Variants in GMDS observed in about 807,000 individuals in gnomAD.
The protein encoded by GMDS is GDP-mannose 4,6 dehydratase.
A neutral mutation model predicts 49.9 loss-of-function variants in GMDS; 20 were observed. That is an observed-to-expected ratio of 0.40 (90% confidence interval 0.28 to 0.58). The LOEUF (loss-of-function observed/expected upper bound fraction) is 0.58, where lower values mean the gene tolerates loss of function less well. Among genes scored for constraint, GMDS ranks in the 20% least tolerant of loss-of-function variants. GMDS has a pLI of 0.42. For missense variants in GMDS, 362 were observed against 481.4 expected (o/e 0.75, Z 2.32); for synonymous variants, 177 against 178.6 (o/e 0.99, Z 0.07).
At chr6:1,884,524 G>A (rs998849914) in intron 7 of GMDS, among the ~76,000 whole-genome samples, 3 of 152,152 alleles carry the variant, frequency 2.0e-5, no homozygotes, top group African/African-American at 4.8e-5. Context: ...TGAAAACTTC[G>A]CAGATATTAG....
chr6:2,078,922 T>C (rs1377165777), intron 4 of GMDS, among the ~76,000 whole-genome samples: 3 of 151,878 alleles, frequency 2.0e-5, no homozygotes, highest in African/African-American at 7.2e-5. Context: ...ATATTTATCC[T>C]ATGAATCTTG....
intron 2 of GMDS, among the ~76,000 whole-genome samples, chr6:2,122,660 C>T (rs1012323493): frequency 3.9e-5 from 6 of 152,180 alleles, no homozygotes; most frequent in African/African-American, 9.7e-5. Flanking sequence ...TCGAATTATA[C>T]GAATCTCTTA....
At chr6:1,988,558 G>A (rs973098722) in intron 4 of GMDS, among the ~76,000 whole-genome samples, 11 of 152,034 alleles carry the variant, frequency 7.2e-5, no homozygotes, top group Non-Finnish European at 1.2e-4. Context: ...CGTTCTTCCC[G>A]GTAGAATAAC....
At chr6:1,806,942 T>C (rs1312325946) in intron 7 of GMDS, among the ~76,000 whole-genome samples, 3 of 152,242 alleles carry the variant, frequency 2.0e-5, no homozygotes, top group Non-Finnish European at 4.4e-5. Flanking sequence ...GTCTTCGTGC[T>C]ATAAATATAA....
chr6:1,636,923 G>A (rs759557279), intron 9 of GMDS, among the ~76,000 whole-genome samples: 3 of 152,336 alleles, frequency 2.0e-5, no homozygotes, highest in East Asian at 1.9e-4. Flanking sequence ...GCACACGGGG[G>A]ATCGCTGGGA....
intron 1 of GMDS, among the ~76,000 whole-genome samples, chr6:2,145,495 G>A (rs1012555729): frequency 6.6e-6 from 1 of 151,904 alleles, no homozygotes; most frequent in African/African-American, 2.4e-5. Flanking sequence ...CTGGCACGGT[G>A]CCACTATACT....
At chr6:1,978,595 C>A (rs1245306966) in intron 4 of GMDS, among the ~76,000 whole-genome samples, 1 of 152,024 alleles carries the variant, frequency 6.6e-6, no homozygotes, top group Non-Finnish European at 1.5e-5. Flanking sequence ...TTCTTTGGGG[C>A]CTAAAGAGCT....
In GMDS at chr6:1,706,607, C is replaced by G. The variant is rs921958700; in HGVS notation, c.987+19809G>C. Among the ~76,000 whole-genome samples the G allele has an allele frequency of 9.9e-5, 15 of 152,210 alleles. 1 individual carries two copies. Among genetic ancestry groups the G allele is most frequent in the African/African-American group, 2.7e-4 (11 of 41,456 alleles). On this transcript the variant is annotated intron_variant, in intron 9 of 10. Transcript: ENST00000380815. ...GGAGGAGAACCCCTCGCAGGCCCAT[C>G]ATGAACACAACACTGCTGTTAACAG... is the stretch of plus-strand genomic sequence containing the variant.
intron 4 of GMDS, among the ~76,000 whole-genome samples, chr6:2,074,694 G>T (rs1356217715): frequency 1.3e-5 from 2 of 152,084 alleles, no homozygotes; most frequent in Admixed American, 1.3e-4. Flanking sequence ...AACAAAGGTA[G>T]GGTCTCACTA....
At chr6:2,022,310 T>C (rs762274549) in intron 4 of GMDS, among the ~76,000 whole-genome samples, 18 of 152,038 alleles carry the variant, frequency 1.2e-4, no homozygotes, top group Non-Finnish European at 2.1e-4. Flanking sequence ...TGGGTGGATA[T>C]AGGATCCACA....
intron 4 of GMDS, among the ~76,000 whole-genome samples, chr6:2,049,255 T>A (rs532238499): frequency 3.0e-4 from 46 of 152,336 alleles, no homozygotes; most frequent in Admixed American, 5.9e-4. Flanking sequence ...TCATTAGGAA[T>A]TTCCTTTGTT....
intron 4 of GMDS, among the ~76,000 whole-genome samples, chr6:2,004,215 T>C (rs1489546153): frequency 6.6e-6 from 1 of 152,236 alleles, no homozygotes; most frequent in Non-Finnish European, 1.5e-5. Context: ...TTGAAAGTAC[T>C]TATTGGTCAT....
rs368700246 is a variant in GMDS, at chr6:1,688,865, C to T, written c.987+37551G>A. 1.2e-4 allele frequency among the ~76,000 whole-genome samples: 18 copies of T among 152,272 alleles called. No homozygotes were observed. The South Asian group carries it at 3.7e-3, about 32-fold the overall frequency. ...TTATTTTTTTAAAGTCAGCTCTCTA[C>T]ATATTCCTGCAAGTTTTGGAAGGGA... On this transcript the variant is annotated intron_variant, in intron 9 of 10. Transcript: ENST00000380815.
chr6:1,663,319 G>C (rs1764139848), intron 9 of GMDS, among the ~76,000 whole-genome samples: 1 of 152,162 alleles, frequency 6.6e-6, no homozygotes, highest in Non-Finnish European at 1.5e-5. Flanking sequence ...TTTTCATTTA[G>C]GAGCCCAGCT....
At chr6:2,106,615 C>A (rs574558324) in intron 4 of GMDS, among the ~76,000 whole-genome samples, 1 of 152,210 alleles carries the variant, frequency 6.6e-6, no homozygotes, top group South Asian at 2.1e-4. Flanking sequence ...GTAATCCTAG[C>A]ACTTTGGGAG....
chr6:1,787,612 A>G (rs992787435), intron 7 of GMDS, among the ~76,000 whole-genome samples: 6 of 152,358 alleles, frequency 3.9e-5, no homozygotes, highest in African/African-American at 1.4e-4. Flanking sequence ...CTTCATCTAA[A>G]TACATGAAAA....
chr6:2,041,398 T>C (rs1175086808), intron 4 of GMDS, among the ~76,000 whole-genome samples: 1 of 152,238 alleles, frequency 6.6e-6, no homozygotes, highest in Non-Finnish European at 1.5e-5. Flanking sequence ...CCACAGGTAA[T>C]GATAGTAACA....
intron 1 of GMDS, among the ~76,000 whole-genome samples, chr6:2,192,750 C>T (rs929001219): frequency 6.6e-6 from 1 of 152,216 alleles, no homozygotes; most frequent in African/African-American, 2.4e-5. Flanking sequence ...AGTAGCCCAA[C>T]CCCGCACTCA....
intron 4 of GMDS, among the ~76,000 whole-genome samples, chr6:2,101,372 G>GA (rs1773916091): frequency 6.6e-6 from 1 of 151,302 alleles, no homozygotes; most frequent in Non-Finnish European, 1.5e-5. Flanking sequence ...CTTTTCAGAA[G>GA]AAAAAACACA....
Sources: gnomAD v4.1 joint callset for allele counts (sites outside exome capture counted in the v4.1 genomes callset) on GRCh38, gnomAD v4.1.1 for gene constraint, MANE v1.5 for transcripts, NCBI Gene and HGNC (gene_info 2026-07-23, HGNC 2026-07-21) for gene names.